SUSD4: variants seen among roughly 807,000 people sequenced by gnomAD.
SUSD4 encodes sushi domain-containing protein 4.
In SUSD4, 41 loss-of-function variants were observed where a neutral mutation model predicts 50.5. The observed-to-expected ratio is 0.81, with a 90% CI of 0.63 to 1.05. The LOEUF (loss-of-function observed/expected upper bound fraction) is 1.05, where lower values mean the gene tolerates loss of function less well. Among genes scored for constraint, SUSD4 ranks in the 50% least tolerant of loss-of-function variants. The pLI is 0.00. For synonymous variants in SUSD4, 257 were observed against 257.3 expected (o/e 1.00, Z 0.01); for missense variants, 580 against 634.7 (o/e 0.91, Z 0.93).
chr1:223,246,515 T>C (rs1271738287), intron 5 of SUSD4, among the ~76,000 whole-genome samples: 2 of 111,952 alleles, frequency 1.8e-5, no homozygotes, highest in African/African-American at 7.1e-5. Context: ...TTGGCAGGAG[T>C]GGTTCAACAC....
chr1:223,243,567 G>A (rs1028942436), intron 5 of SUSD4, among the ~76,000 whole-genome samples: 2 of 152,234 alleles, frequency 1.3e-5, no homozygotes, highest in Non-Finnish European at 2.9e-5. Context: ...GTGATTTGGG[G>A]GTGTCAGCCG....
At chr1:223,311,587 T>C (rs1429629389) in intron 2 of SUSD4, among the ~76,000 whole-genome samples, 3 of 152,210 alleles carry the variant, frequency 2.0e-5, no homozygotes, top group Non-Finnish European at 4.4e-5. Flanking sequence ...ATGGTGTTTG[T>C]GAATAGCCAA....
At chr1:223,250,320 G>A (rs1661214858) in intron 5 of SUSD4, among the ~76,000 whole-genome samples, 1 of 152,184 alleles carries the variant, frequency 6.6e-6, no homozygotes, top group South Asian at 2.1e-4. Flanking sequence ...CTACATTACA[G>A]GCCAGTGAGA....
At chr1:223,249,238 G>A (rs1465299157) in intron 5 of SUSD4, among the ~76,000 whole-genome samples, 2 of 152,054 alleles carry the variant, frequency 1.3e-5, no homozygotes, top group African/African-American at 2.4e-5. Flanking sequence ...AGGAAATCAG[G>A]GGCACAAGAT....
intron 2 of SUSD4, among the ~76,000 whole-genome samples, chr1:223,317,199 C>T (rs1666249101): frequency 6.6e-6 from 1 of 152,152 alleles, no homozygotes; most frequent in African/African-American, 2.4e-5. Flanking sequence ...TAAAACCCAC[C>T]AAAACCAAGA....
At chr1:223,228,809 C>A (rs188704898) in intron 6 of SUSD4, among the ~76,000 whole-genome samples, 13 of 152,010 alleles carry the variant, frequency 8.6e-5, no homozygotes, top group African/African-American at 3.1e-4. Context: ...TGGAAAAGGA[C>A]AAGGCTGGGA....
chr1:223,319,880 G>C (rs1001608049), intron 2 of SUSD4, among the ~76,000 whole-genome samples: 1 of 152,214 alleles, frequency 6.6e-6, no homozygotes, highest in Admixed American at 6.5e-5. Context: ...GTGGATGGTG[G>C]AAAAGGCAAG....
At chr1:223,359,420 C>T (rs2102599698) in intron 2 of SUSD4, among the ~76,000 whole-genome samples, 1 of 152,344 alleles carries the variant, frequency 6.6e-6, no homozygotes, top group Admixed American at 6.5e-5. Context: ...TCCCTCCCCA[C>T]CATCCTATCC....
At chr1:223,274,281 G>A (rs527568766) in intron 3 of SUSD4, among the ~76,000 whole-genome samples, 113 of 152,296 alleles carry the variant, frequency 7.4e-4, no homozygotes, top group African/African-American at 2.1e-3. Flanking sequence ...AGCAATTAAC[G>A]AAAGGCAGAG....
Position 223,223,629 on chromosome 1 carries a change from C to A in SUSD4, c.1064G>T (p.Gly355Val), listed in dbSNP as rs778717939. The stretch of plus-strand genomic sequence containing the variant: ...GTCACTGCTGGAACTCCGGGGAGGC[C>A]CCCTGTGTAAAGGAAAGAAGTGCCA... ...TKFKAHFPPRGPPRSSSSDPD... is the reference protein window; with the variant it reads ...TKFKAHFPPRVPPRSSSSDPD... Residue 355 changes from glycine (G) to valine (V), a missense_variant and splice_region_variant, in exon 8 of 9, where the codon GGG (glycine) becomes GTG (valine). Coordinates refer to ENST00000366878, the MANE Select transcript of SUSD4 (RefSeq NM_017982.4). The A allele has an allele frequency of 3.7e-6, 6 of 1,600,696 alleles. No individual in the cohort carries two copies. The African/African-American group carries it at 6.7e-5, about 18-fold the overall frequency.
At chr1:223,353,722 C>T (rs1463863849) in intron 2 of SUSD4, among the ~76,000 whole-genome samples, 1 of 152,010 alleles carries the variant, frequency 6.6e-6, no homozygotes, top group African/African-American at 2.4e-5. Context: ...TTTTAAAATC[C>T]CGGTGCCCCA....
chr1:223,312,043 G>T (rs1013035469), intron 2 of SUSD4, among the ~76,000 whole-genome samples: 4 of 152,194 alleles, frequency 2.6e-5, no homozygotes, highest in Admixed American at 2.6e-4. Flanking sequence ...AGCCAACAGG[G>T]TGAGCAGAAA....
In SUSD4 at chr1:223,268,650, A is replaced by C. The variant is rs1662695131; in HGVS notation, c.387T>G (p.Asp129Glu). 6.2e-7 allele frequency: 1 copy of C among 1,612,724 alleles called. No homozygotes were observed. The highest frequency in any genetic ancestry group is 1.3e-5 in the African/African-American group (1 of 75,008). Residue 129 changes from aspartate (D) to glutamate (E), a missense_variant, in exon 4 of 9, where the codon GAT becomes GAG. Transcript: ENST00000366878. ...TATATGTCTTGTTATGAATCTCAGC[A>C]TCTTCGATTTGAGGGATACGGCAAT... The part of the protein sequence containing the change: ...QEDCRIPQIE[D>E]AEIHNKTYRH...
At chr1:223,270,119 G>A (rs1662803926) in intron 3 of SUSD4, among the ~76,000 whole-genome samples, 1 of 152,180 alleles carries the variant, frequency 6.6e-6, no homozygotes, top group Non-Finnish European at 1.5e-5. Flanking sequence ...GACTCAGGCA[G>A]ACAGGGGCTT....
chr1:223,279,904 G>T (rs1247514542), intron 3 of SUSD4, among the ~76,000 whole-genome samples: 1 of 150,840 alleles, frequency 6.6e-6, no homozygotes, highest in Non-Finnish European at 1.5e-5. Flanking sequence ...CAGAAACTAT[G>T]AGCCAGAAGA....
At chr1:223,239,398 C>T (rs1206832006) in intron 5 of SUSD4, among the ~76,000 whole-genome samples, 2 of 151,920 alleles carry the variant, frequency 1.3e-5, no homozygotes, top group Non-Finnish European at 2.9e-5. Context: ...TGTTTGGTGC[C>T]TTTGTTCTTT....
intron 6 of SUSD4, among the ~76,000 whole-genome samples, chr1:223,228,109 A>T (rs1282974554): frequency 6.6e-6 from 1 of 152,168 alleles, no homozygotes; most frequent in Non-Finnish European, 1.5e-5. Context: ...GGGAGTGGGA[A>T]GCTGGGCCCT....
intron 3 of SUSD4, among the ~76,000 whole-genome samples, chr1:223,275,191 G>A (rs757837358): frequency 6.6e-6 from 1 of 152,040 alleles, no homozygotes; most frequent in Non-Finnish European, 1.5e-5. Flanking sequence ...TATTGGGGGT[G>A]GTGCTGAAAT....
At chr1:223,288,907 T>C (rs912587775) in intron 3 of SUSD4, among the ~76,000 whole-genome samples, 1 of 152,190 alleles carries the variant, frequency 6.6e-6, no homozygotes, top group Non-Finnish European at 1.5e-5. Context: ...GGATGCAGCA[T>C]TTTTTATGTC....
Sources: allele counts gnomAD v4.1 joint callset (sites outside exome capture counted in the v4.1 genomes callset), GRCh38; gene constraint gnomAD v4.1.1; transcripts MANE v1.5; gene names NCBI Gene and HGNC (gene_info 2026-07-23, HGNC 2026-07-21).